Variants in CNTN6 observed in about 807,000 individuals in gnomAD.
The protein encoded by CNTN6 is contactin-6.
CNTN6 carries 137 observed loss-of-function variants against 122.8 expected under a neutral mutation model. The observed-to-expected ratio is 1.12, with a 90% CI of 0.97 to 1.29. The LOEUF is 1.29. CNTN6 is among the 50% of genes most tolerant of loss of function. The probability of loss-of-function intolerance (pLI) is 0.00; values close to 1 mark genes in which losing one functional copy is unlikely to be tolerated. For synonymous variants in CNTN6, 570 were observed against 426.0 expected (o/e 1.34, Z -4.16); for missense variants, 1,634 against 1,223.4 (o/e 1.34, Z -5.01).
chr3:1,334,531 G>T (rs903695596), intron 11 of CNTN6, among the ~76,000 whole-genome samples: 1 of 151,980 alleles, frequency 6.6e-6, no homozygotes, highest in Non-Finnish European at 1.5e-5. Context: ...TTAGCCCAAG[G>T]GGTTGAAATT....
intron 2 of CNTN6, among the ~76,000 whole-genome samples, chr3:1,193,605 T>C (rs2093733252): frequency 6.6e-6 from 1 of 152,130 alleles, no homozygotes; most frequent in Non-Finnish European, 1.5e-5. Context: ...TTGCCAAATA[T>C]GTAAATTCAA....
chr3:1,299,492 A>G (rs988544018), intron 7 of CNTN6, among the ~76,000 whole-genome samples: 17 of 152,224 alleles, frequency 1.1e-4, no homozygotes, highest in Non-Finnish European at 5.9e-5. Context: ...TTTCTCAAGA[A>G]TCTAATGAAA....
chr3:1,236,862 C>T (rs965789049), intron 4 of CNTN6, among the ~76,000 whole-genome samples: 15 of 152,050 alleles, frequency 9.9e-5, no homozygotes, highest in African/African-American at 2.4e-4. Context: ...GGGTGGATCA[C>T]AAGGTCAGGA....
intron 2 of CNTN6, among the ~76,000 whole-genome samples, chr3:1,159,366 G>A (rs1178560813): frequency 6.6e-6 from 1 of 152,006 alleles, no homozygotes; most frequent in African/African-American, 2.4e-5. Context: ...CTTTCTGGGT[G>A]GGACAGACTG....
At chr3:1,315,619 T>A (rs1023857312) in intron 7 of CNTN6, among the ~76,000 whole-genome samples, 1 of 152,014 alleles carries the variant, frequency 6.6e-6, no homozygotes, top group Non-Finnish European at 1.5e-5. Flanking sequence ...AATATTATTT[T>A]AAAATATCTA....
intron 11 of CNTN6, among the ~76,000 whole-genome samples, chr3:1,343,001 G>A (rs1436757884): frequency 6.6e-6 from 1 of 152,040 alleles, no homozygotes; most frequent in Non-Finnish European, 1.5e-5. Context: ...ACTCCTAAGA[G>A]AGTGAGACCG....
At chr3:1,289,391 A>G (rs1694899812) in intron 5 of CNTN6, among the ~76,000 whole-genome samples, 1 of 152,154 alleles carries the variant, frequency 6.6e-6, no homozygotes, top group Non-Finnish European at 1.5e-5. Flanking sequence ...AGGGCACAAA[A>G]GGGCACCTGG....
At chr3:1,311,648 A>T (rs1424331028) in intron 7 of CNTN6, among the ~76,000 whole-genome samples, 1 of 151,056 alleles carries the variant, frequency 6.6e-6, no homozygotes, top group Non-Finnish European at 1.5e-5. Flanking sequence ...ATAGGCAAGA[A>T]AAAAGGAGAC....
intron 5 of CNTN6, among the ~76,000 whole-genome samples, chr3:1,293,685 T>C (rs980175328): frequency 8.5e-5 from 13 of 152,152 alleles, no homozygotes; most frequent in African/African-American, 3.1e-4. Context: ...TTCAAAAGTG[T>C]ATGAGGGTCC....
At chr3:1,356,029 T>G (rs1382499737) in intron 12 of CNTN6, among the ~76,000 whole-genome samples, 2 of 151,834 alleles carry the variant, frequency 1.3e-5, no homozygotes, top group Non-Finnish European at 1.5e-5. Flanking sequence ...CCAGTATAAT[T>G]TAAGGACATG....
At chr3:1,271,404 C>G (rs558481487) in intron 4 of CNTN6, among the ~76,000 whole-genome samples, 1 of 152,162 alleles carries the variant, frequency 6.6e-6, no homozygotes, top group South Asian at 2.1e-4. Context: ...ACTAAAGGGC[C>G]TTTAGGAGCC....
intron 10 of CNTN6, 26 bp from the exon 11 acceptor site, chr3:1,329,759 A>G (rs778275659): frequency 1.3e-6 from 2 of 1,595,176 alleles, no homozygotes; most frequent in Non-Finnish European, 1.7e-6. Flanking sequence ...GTAATTAAAC[A>G]ATTTTGTCTT....
At chr3:1,132,656 A>AC (rs1304289013) in intron 1 of CNTN6, among the ~76,000 whole-genome samples, 1 of 136,588 alleles carries the variant, frequency 7.3e-6, no homozygotes, top group Non-Finnish European at 1.6e-5. Context: ...AACTCTGTCT[A>AC]AAAAATAAAT....
rs200172541 is a variant in CNTN6, at chr3:1,369,770, A to AT, written c.1493-2519dup. The stretch of plus-strand genomic sequence containing the variant: ...TATAAATGTAAATAAGACATTTGTG[A>AT]TTTTTTTTTTCAGAGTAACTACAAA... On this transcript the variant is annotated intron_variant, in intron 12 of 22. Transcript: ENST00000446702. 1.3e-3 allele frequency among the ~76,000 whole-genome samples: 196 copies of AT among 149,150 alleles called. 1 individual carries two copies. The Middle Eastern group carries it at 0.014, about 11-fold the overall frequency.
At chr3:1,198,940 G>C (rs886467991) in intron 2 of CNTN6, among the ~76,000 whole-genome samples, 10 of 152,076 alleles carry the variant, frequency 6.6e-5, no homozygotes, top group Non-Finnish European at 1.0e-4. Context: ...GTCTCTATGA[G>C]AAAAGAATAG....
At chr3:1,366,247 C>G (rs1261755854) in intron 12 of CNTN6, among the ~76,000 whole-genome samples, 1 of 151,994 alleles carries the variant, frequency 6.6e-6, no homozygotes, top group Non-Finnish European at 1.5e-5. Flanking sequence ...AATAAGTAAC[C>G]CTTTGTTTTG....
chr3:1,270,323 G>C (rs1391909428), intron 4 of CNTN6, among the ~76,000 whole-genome samples: 6 of 152,172 alleles, frequency 3.9e-5, no homozygotes, highest in Admixed American at 2.0e-4. Context: ...CCTCTTCAAA[G>C]AAGAGAAGCA....
intron 1 of CNTN6, among the ~76,000 whole-genome samples, chr3:1,108,117 G>T (rs2091311943): frequency 6.6e-6 from 1 of 151,946 alleles, no homozygotes; most frequent in Admixed American, 6.6e-5. Context: ...TCCATTTGAG[G>T]TGACAAAATT....
At position 1,321,635 on chromosome 3, in the gene CNTN6, G is replaced by A. The variant is rs370416764; in HGVS notation, c.762-15G>A. The A allele has an allele frequency of 1.9e-5, 31 of 1,602,444 alleles. No homozygotes were observed. Among genetic ancestry groups the A allele is most frequent in the Non-Finnish European group, 2.6e-5 (30 of 1,174,590 alleles). The stretch of plus-strand genomic sequence containing the variant: ...ATTAAACCGTCTTCTATTCTAATGA[G>A]GTGTAACTGTTTAGTCCAGTCCCCG... On this transcript the variant is annotated splice_polypyrimidine_tract_variant and intron_variant, in intron 7 of 22. Transcript: ENST00000446702.
Sources: gnomAD v4.1 joint callset for allele counts (sites outside exome capture counted in the v4.1 genomes callset) on GRCh38, gnomAD v4.1.1 for gene constraint, MANE v1.5 for transcripts, NCBI Gene and HGNC (gene_info 2026-07-23, HGNC 2026-07-21) for gene names.